Variants in MCC observed in about 807,000 individuals in gnomAD.
The protein encoded by MCC is MCC regulator of Wnt signaling pathway, also known as colorectal mutant cancer protein.
MCC carries 90 observed loss-of-function variants against 116.2 expected under a neutral mutation model. The ratio of observed to expected loss-of-function variants is 0.77; its 90% confidence interval spans 0.65 to 0.92. The LOEUF is 0.92. Among genes scored for constraint, MCC ranks in the 40% least tolerant of loss-of-function variants. MCC has a pLI of 0.00. For missense variants in MCC, 1,516 were observed against 1,312.2 expected (o/e 1.16, Z -2.40); for synonymous variants, 578 against 510.5 (o/e 1.13, Z -1.78).
Position 113,071,119 on chromosome 5 carries a change from C to G in MCC, c.1900G>C (p.Ala634Pro). The G allele has an allele frequency of 1.2e-6, 2 of 1,612,990 alleles. No individual in the cohort carries two copies. Among genetic ancestry groups the G allele is most frequent in the Non-Finnish European group, 1.7e-6 (2 of 1,179,712 alleles). ...CTGTACTGCAAGGCCAGCCTCAGCG[C>G]TGTGGCATTGGATTCGTATTTTCCC... is the stretch of plus-strand genomic sequence containing the variant. ...LVGKYESNAT[A>P]LRLALQYSEQ... Residue 634 changes from alanine to proline, a missense_variant, in exon 12 of 19, where the codon GCG becomes CCG. Ala to Pro is a conservative substitution (Grantham distance 27). Transcript: ENST00000408903.
intron 1 of MCC, among the ~76,000 whole-genome samples, chr5:113,404,306 G>A (rs1030952419): frequency 1.3e-5 from 2 of 152,120 alleles, no homozygotes; most frequent in Admixed American, 6.5e-5. Flanking sequence ...TCATCTATGA[G>A]GAAACACATA....
intron 3 of MCC, among the ~76,000 whole-genome samples, chr5:113,161,295 T>C (rs545552543): frequency 6.6e-6 from 1 of 152,264 alleles, no homozygotes; most frequent in Admixed American, 6.5e-5. Flanking sequence ...TCAGGGGACA[T>C]GAATATTTCA....
At chr5:113,227,399 C>G (rs1448411580) in intron 3 of MCC, among the ~76,000 whole-genome samples, 1 of 152,322 alleles carries the variant, frequency 6.6e-6, no homozygotes, top group East Asian at 1.9e-4. Flanking sequence ...TTAGATAACT[C>G]AAACACCCAT....
chr5:113,155,213 T>A (rs554571463), intron 3 of MCC, among the ~76,000 whole-genome samples: 1 of 152,306 alleles, frequency 6.6e-6, no homozygotes, highest in South Asian at 2.1e-4. Context: ...AATGACAGGA[T>A]TTCACTCTTT....
At chr5:113,256,845 A>T (rs1765023635) in intron 3 of MCC, among the ~76,000 whole-genome samples, 1 of 152,102 alleles carries the variant, frequency 6.6e-6, no homozygotes, top group Admixed American at 6.6e-5. Flanking sequence ...TTATTTCCAC[A>T]CCATATCAGA....
chr5:113,138,464 G>A (rs1429710333), intron 5 of MCC, among the ~76,000 whole-genome samples: 1 of 152,204 alleles, frequency 6.6e-6, no homozygotes, highest in Non-Finnish European at 1.5e-5. Context: ...CAGAGAGCTT[G>A]CTTCCTCTTT....
chr5:113,272,465 CA>C (rs1366409114), intron 3 of MCC, among the ~76,000 whole-genome samples: 2 of 152,166 alleles, frequency 1.3e-5, no homozygotes, highest in Non-Finnish European at 2.9e-5. Context: ...AAAAAATAAG[CA>C]ATTTAATTTC....
chr5:113,382,881 G>C (rs1318932630), intron 2 of MCC, among the ~76,000 whole-genome samples: 2 of 152,278 alleles, frequency 1.3e-5, no homozygotes, highest in East Asian at 1.9e-4. Context: ...TTAACTACCA[G>C]GAGAAAGTGG....
chr5:113,045,972 A>G (rs1311593871), intron 16 of MCC, among the ~76,000 whole-genome samples: 1 of 152,128 alleles, frequency 6.6e-6, no homozygotes, highest in Non-Finnish European at 1.5e-5. Flanking sequence ...CCTTCACAGA[A>G]AAGTGCTGAC....
intron 17 of MCC, among the ~76,000 whole-genome samples, chr5:113,032,660 A>C (rs1450286020): frequency 6.6e-6 from 1 of 152,174 alleles, no homozygotes; most frequent in Non-Finnish European, 1.5e-5. Flanking sequence ...CTTAAATAGG[A>C]GTTAGGTAAA....
chr5:113,057,372 C>G (rs1752903673), intron 14 of MCC, among the ~76,000 whole-genome samples: 1 of 152,060 alleles, frequency 6.6e-6, no homozygotes, highest in Admixed American at 6.6e-5. Flanking sequence ...AGGGGTGCAC[C>G]TTGGGAGCTA....
At chr5:113,301,590 TA>T (rs1229972817) in intron 3 of MCC, among the ~76,000 whole-genome samples, 1 of 152,016 alleles carries the variant, frequency 6.6e-6, no homozygotes, top group Admixed American at 6.5e-5. Flanking sequence ...GGAGCTATGA[TA>T]GGGGAGAGTA....
At chr5:113,416,161 C>T (rs886554424) in intron 1 of MCC, among the ~76,000 whole-genome samples, 4 of 152,180 alleles carry the variant, frequency 2.6e-5, no homozygotes, top group African/African-American at 9.6e-5. Context: ...GAGGTGCAGA[C>T]CAGAGCTGTT....
In MCC at chr5:113,171,647, G is replaced by A. The variant is rs551545143; in HGVS notation, c.628-20225C>T. On this transcript the variant is annotated intron_variant, in intron 3 of 18. Coordinates refer to ENST00000408903, the MANE Select transcript of MCC (RefSeq NM_001085377.2). ...TGAGATTAGGGGCATGAGCCACCGCGCCTGGCCCTGGAAAGTGGAAACCTC... is the reference window on the plus strand; with the variant it reads ...TGAGATTAGGGGCATGAGCCACCGCACCTGGCCCTGGAAAGTGGAAACCTC... 3.3e-5 allele frequency among the ~76,000 whole-genome samples: 5 copies of A among 152,186 alleles called. No homozygotes were observed. In the South Asian group the frequency reaches 8.3e-4, roughly 25 times the overall value.
At chr5:113,442,551 T>G (rs1771072843) in intron 1 of MCC, among the ~76,000 whole-genome samples, 1 of 152,232 alleles carries the variant, frequency 6.6e-6, no homozygotes, top group Admixed American at 6.5e-5. Flanking sequence ...GCTTTTCGTG[T>G]TTTAGACATG....
intron 12 of MCC, 102 bp downstream of exon 12, chr5:113,070,992 C>G: frequency 7.3e-7 from 1 of 1,375,844 alleles, no homozygotes; most frequent in Admixed American, 2.1e-5. Context: ...TCCAAACTGC[C>G]AGATATGCCT....
At chr5:113,192,563 C>T (rs1762199131) in intron 3 of MCC, among the ~76,000 whole-genome samples, 1 of 152,160 alleles carries the variant, frequency 6.6e-6, no homozygotes, top group African/African-American at 2.4e-5. Context: ...ATCGGGTGTG[C>T]CAGAAAGAAT....
At chr5:113,399,155 A>T (rs1479206990) in intron 1 of MCC, among the ~76,000 whole-genome samples, 2 of 152,216 alleles carry the variant, frequency 1.3e-5, no homozygotes, top group African/African-American at 4.8e-5. Context: ...AAATAGCTTC[A>T]GGCAATAGTA....
intron 12 of MCC, among the ~76,000 whole-genome samples, chr5:113,070,508 A>G (rs1753962954): frequency 6.6e-6 from 1 of 151,888 alleles, no homozygotes; most frequent in Non-Finnish European, 1.5e-5. Context: ...CCTGAAGACC[A>G]GGAAAATATT....
Sources: allele counts gnomAD v4.1 joint callset (sites outside exome capture counted in the v4.1 genomes callset), GRCh38; gene constraint gnomAD v4.1.1; transcripts MANE v1.5; gene names NCBI Gene and HGNC (gene_info 2026-07-23, HGNC 2026-07-21).